Variants in TMEM198 observed in about 807,000 individuals in gnomAD.
The protein encoded by TMEM198 is transmembrane protein 198.
TMEM198 carries 21 observed loss-of-function variants against 31.5 expected under a neutral mutation model. The ratio of observed to expected loss-of-function variants is 0.67; its 90% CI spans 0.47 to 0.96. TMEM198 has a LOEUF of 0.96. TMEM198 is among the 40% of genes least tolerant of loss of function. The pLI, the probability that TMEM198 is intolerant of heterozygous loss-of-function variation, is 0.00. For missense variants in TMEM198, 447 were observed against 499.4 expected (o/e 0.89, Z 1.00); for synonymous variants, 211 against 223.3 (o/e 0.95, Z 0.49).
Position 219,544,092 on chromosome 2 carries a change from G to A in TMEM198, c.-325G>A, listed in dbSNP as rs1012211247. On this transcript the variant is annotated 5_prime_UTR_variant, in exon 1 of 5. Transcript: ENST00000373883. ...GCCGCGGGCGGGCTCAGGGCATGGG[G>A]CCGCGGTTCTGGGGCGGCCCGAGCC... is the stretch of plus-strand genomic sequence containing the variant. 1 of 435,956 alleles carries A rather than the reference G, an allele frequency of 2.3e-6. No individual in the cohort carries two copies. Among genetic ancestry groups the A allele is most frequent in the African/African-American group, 2.0e-5 (1 of 49,504 alleles). The allele number at this position is 435,956 out of a possible 1,614,324, so 27.0% of individuals were successfully genotyped here.
At chr2:219,546,809 C>A (rs1209461934) in intron 2 of TMEM198, among the ~76,000 whole-genome samples, 2 of 136,364 alleles carry the variant, frequency 1.5e-5, no homozygotes, top group Non-Finnish European at 3.0e-5. Flanking sequence ...ACAAGAGTCT[C>A]GCTCTGTCAC....
chr2:219,544,029 T>A lies in TMEM198; in HGVS notation c.-388T>A. The A allele has an allele frequency of 2.7e-6, 1 of 364,048 alleles. No individual in the cohort carries two copies. Among genetic ancestry groups the A allele is most frequent in the Non-Finnish European group, 5.5e-6 (1 of 183,366 alleles). 22.6% of individuals were successfully genotyped at this position (364,048 alleles called of 1,614,324 possible). A position where few individuals can be genotyped will look rare whatever the true frequency, so the allele number is the denominator to read the frequency against. ...CCTGGATGGTGCGCCCTGAGTGACG[T>A]CAGGAGCAGAGGCCGGAGCTGTCCA... On this transcript the variant is annotated 5_prime_UTR_variant, in exon 1 of 5. Coordinates refer to ENST00000373883, the MANE Select transcript of TMEM198 (RefSeq NM_001005209.3).
rs115011742 is a variant in TMEM198, at chr2:219,549,382, A to C, written c.945+28A>C. ...GAGCTCCCTGAGCCCATCCAGCCAG[A>C]ATGAGAAGGAAGTGTGGAAACTCTT... On this transcript the variant is annotated intron_variant, in intron 4 of 4. Transcript: ENST00000373883. The C allele has an allele frequency of 5.4e-4, 864 of 1,595,118 alleles. 5 individuals are homozygous for C. In the African/African-American group the frequency reaches 0.01, roughly 19 times the overall value.
intron 3 of TMEM198, among the ~76,000 whole-genome samples, chr2:219,548,665 G>T (rs1695448045): frequency 6.6e-6 from 1 of 152,196 alleles, no homozygotes; most frequent in South Asian, 2.1e-4. Flanking sequence ...TGATTGCGTG[G>T]ACCCTCTGGG....
Position 219,544,870 on chromosome 2 carries a change from T to C in TMEM198, c.143T>C (p.Phe48Ser), listed in dbSNP as rs756314343. ...CTCGTCTGCATCATGTGCTGTTTGTTTGGAGTCGTCTACTGCTTCTTCGGT... is the reference window on the plus strand; with the variant it reads ...CTCGTCTGCATCATGTGCTGTTTGTCTGGAGTCGTCTACTGCTTCTTCGGT... Reference protein sequence around the residue: ...PALVCIMCCLFGVVYCFFGYR... With the variant: ...PALVCIMCCLSGVVYCFFGYR... The change falls in exon 2 of 5, where the codon TTT (phenylalanine) becomes TCT (serine). Residue 48 changes from phenylalanine to serine, a missense_variant. By Grantham distance (155) the Phe-to-Ser change is radical. Transcript: ENST00000373883. 3 of 1,614,208 alleles carry C rather than the reference T, an allele frequency of 1.9e-6. No homozygotes were observed. The highest frequency in any genetic ancestry group is 1.1e-5 in the South Asian group (1 of 91,088).
chr2:219,545,628 A>C (rs1255414532), intron 2 of TMEM198, among the ~76,000 whole-genome samples: 1 of 152,168 alleles, frequency 6.6e-6, no homozygotes, highest in East Asian at 1.9e-4. Context: ...GGCCCAGTAT[A>C]ATGGGAGTAA....
chr2:219,549,908 C>A lies in TMEM198; in HGVS notation c.*54C>A. On this transcript the variant is annotated 3_prime_UTR_variant, in exon 5 of 5. Coordinates refer to ENST00000373883, the MANE Select transcript of TMEM198 (RefSeq NM_001005209.3). ...CACCAGCTCTGCCAGCTCGAGGAGG[C>A]CTGCTAGGCTGCCACTCAGCCTCCT... 6.3e-7 allele frequency: 1 copy of A among 1,584,756 alleles called. No individual in the cohort carries two copies. Among genetic ancestry groups the A allele is most frequent in the Non-Finnish European group, 8.6e-7 (1 of 1,159,482 alleles).
chr2:219,544,075 C>A lies in TMEM198; in HGVS notation c.-342C>A. 3 of 405,736 alleles carry A rather than the reference C, an allele frequency of 7.4e-6. 1 individual carries two copies. The highest frequency in any genetic ancestry group is 5.3e-5 in the South Asian group (3 of 56,724). The allele number at this position is 405,736 out of a possible 1,614,324, so 25.1% of individuals were successfully genotyped here. A position where few individuals can be genotyped will look rare whatever the true frequency, so the allele number is the denominator to read the frequency against. On this transcript the variant is annotated 5_prime_UTR_variant, in exon 1 of 5. Transcript: ENST00000373883. ...GTCCATCAGCACCAAAGGCCGCGGG[C>A]GGGCTCAGGGCATGGGGCCGCGGTT...
In TMEM198 at chr2:219,550,447, T is replaced by G. The variant is rs534675944; in HGVS notation, c.*593T>G. On this transcript the variant is annotated 3_prime_UTR_variant, in exon 5 of 5. Transcript: ENST00000373883. ...GGGGGGGTGCTGCTCTGGGCTGGGTTGGGAAGGGAGTTGGGGAGGGGTTTA... is the reference window on the plus strand; with the variant it reads ...GGGGGGGTGCTGCTCTGGGCTGGGTGGGGAAGGGAGTTGGGGAGGGGTTTA... The G allele has an allele frequency of 2.2e-5, 5 of 225,800 alleles. No homozygotes were observed. In the East Asian group the frequency reaches 4.3e-4, roughly 19 times the overall value. The allele number at this position is 225,800 out of a possible 1,614,324, so 14.0% of individuals were successfully genotyped here.
At chr2:219,547,014 A>G (rs1365852858) in intron 2 of TMEM198, among the ~76,000 whole-genome samples, 2 of 151,984 alleles carry the variant, frequency 1.3e-5, no homozygotes, top group Non-Finnish European at 2.9e-5. Flanking sequence ...TCCTGACCTC[A>G]TGATTCACCC....
intron 2 of TMEM198, among the ~76,000 whole-genome samples, chr2:219,545,773 C>A (rs1243327702): frequency 1.3e-5 from 2 of 152,004 alleles, no homozygotes; most frequent in African/African-American, 2.4e-5. Flanking sequence ...GTCTTGGGGG[C>A]TGGGGTTCCA....
rs768949056 is a variant in TMEM198 at position 219,547,704 on chromosome 2, G to A, written c.365G>A (p.Gly122Glu). ...CGCAGCGTGGGCCTCTTCCTGGTGG[G>A]GCTGCTGCTCGGCCTGCTGCTCGCA... Reference protein sequence around the residue: ...LVRSVGLFLVGLLLGLLLAAA... With the variant: ...LVRSVGLFLVELLLGLLLAAA... Residue 122 changes from glycine (G) to glutamate (E), a missense_variant, in exon 3 of 5, where the codon GGG becomes GAG. By Grantham distance (98) the Gly-to-Glu change is moderately conservative. Coordinates refer to ENST00000373883, the MANE Select transcript of TMEM198 (RefSeq NM_001005209.3). 1 of 1,571,352 alleles carries A rather than the reference G, an allele frequency of 6.4e-7. No homozygotes were observed. The highest frequency in any genetic ancestry group is 1.3e-5 in the African/African-American group (1 of 74,372).
chr2:219,543,700 C>A (rs935533137), upstream of TMEM198: 1 of 469,510 alleles, frequency 2.1e-6, no homozygotes, highest in African/African-American at 2.0e-5. Context: ...GAGCCGAATC[C>A]CCGGAGCCGC....
intron 2 of TMEM198, among the ~76,000 whole-genome samples, chr2:219,546,778 C>CTTTTTTTTCT (rs1553526562): frequency 1.4e-4 from 18 of 127,254 alleles, no homozygotes; most frequent in African/African-American, 4.6e-4. Context: ...TCTCAAGTTT[C>CTTTTTTTTCT]TTTTTTTTTT....
In TMEM198 at chr2:219,547,907, T is replaced by C; in HGVS notation, c.568T>C (p.Tyr190His). 1 of 1,596,478 alleles carries C rather than the reference T, an allele frequency of 6.3e-7. No homozygotes were observed. Among genetic ancestry groups the C allele is most frequent in the Non-Finnish European group, 8.5e-7 (1 of 1,178,382 alleles). Reference protein sequence around the residue: ...GAALIATAADYFAELLLLGRY... With the variant: ...GAALIATAADHFAELLLLGRY... The stretch of plus-strand genomic sequence containing the variant: ...TGCGCTGATCGCCACTGCCGCTGAC[T>C]ACTTCGCCGAGCTGCTACTGCTGGG... Residue 190 changes from tyrosine to histidine, a missense_variant, in exon 3 of 5, where the codon TAC becomes CAC. Transcript: ENST00000373883.
In TMEM198 at chr2:219,544,329, C is replaced by T; in HGVS notation, c.-88C>T. The T allele has an allele frequency of 2.1e-6, 1 of 474,988 alleles. No homozygotes were observed. Among genetic ancestry groups the T allele is most frequent in the South Asian group, 1.5e-5 (1 of 64,670 alleles). The allele number at this position is 474,988 out of a possible 1,614,324, so 29.4% of individuals were successfully genotyped here. A position where few individuals can be genotyped will look rare whatever the true frequency, so the allele number is the denominator to read the frequency against. On this transcript the variant is annotated 5_prime_UTR_variant, in exon 1 of 5. Transcript: ENST00000373883. Reference sequence around the variant, plus strand: ...CGCCCCGCAACCCCGGCCCCTCGGGCCTCTGCACAGCCTCTTTCACTCAGA... The same window carrying T: ...CGCCCCGCAACCCCGGCCCCTCGGGTCTCTGCACAGCCTCTTTCACTCAGA...
chr2:219,546,632 A>C (rs1419576512), intron 2 of TMEM198, among the ~76,000 whole-genome samples: 2 of 152,006 alleles, frequency 1.3e-5, no homozygotes, highest in Non-Finnish European at 2.9e-5. Context: ...CCTAACCTAC[A>C]AATACCTCAT....
chr2:219,548,607 T>G (rs915737563), intron 3 of TMEM198, among the ~76,000 whole-genome samples: 1 of 152,104 alleles, frequency 6.6e-6, no homozygotes, highest in African/African-American at 2.4e-5. Context: ...CTCAGCTTGC[T>G]TGAGGAAGTG....
At position 219,550,549 on chromosome 2, in the gene TMEM198, T is replaced by A; in HGVS notation, c.*695T>A. The A allele has an allele frequency of 2.1e-6, 1 of 487,588 alleles. No homozygotes were observed. Among genetic ancestry groups the A allele is most frequent in the Non-Finnish European group, 3.7e-6 (1 of 269,128 alleles). The allele number at this position is 487,588 out of a possible 1,614,324, so 30.2% of individuals were successfully genotyped here. A position where few individuals can be genotyped will look rare whatever the true frequency, so the allele number is the denominator to read the frequency against. ...TTCTGTCTCCCCCACCCCACTCTGT[T>A]TTACATCTTTTATAAATGTGCCAAA... On this transcript the variant is annotated 3_prime_UTR_variant, in exon 5 of 5. Transcript: ENST00000373883.
Sources: gnomAD v4.1 joint callset for allele counts (sites outside exome capture counted in the v4.1 genomes callset) on GRCh38, gnomAD v4.1.1 for gene constraint, MANE v1.5 for transcripts, NCBI Gene and HGNC (gene_info 2026-07-23, HGNC 2026-07-21) for gene names.